Variants in IFT70B observed in about 807,000 individuals in gnomAD.
IFT70B encodes intraflagellar transport protein 70B.
the IFT70B span, chr2:177,549,458 A>C: frequency 6.6e-6 from 1 of 152,236 alleles, no homozygotes; most frequent in East Asian, 1.9e-4. Context: ...ATTATGGCAG[A>C]GGTTCCCTAT....
chr2:177,552,675 G>A, the IFT70B span: 13 of 1,594,038 alleles, frequency 8.2e-6, no homozygotes, highest in South Asian at 1.5e-4. Flanking sequence ...CAGCTGCACC[G>A]CCTCGGCGTA....
At chr2:177,550,848 ATTCT>A in the IFT70B span, 3 of 1,614,100 alleles carry the variant, frequency 1.9e-6, no homozygotes, top group Non-Finnish European at 2.5e-6. Flanking sequence ...TCCAACATGC[ATTCT>A]TTCTTCTTCC....
At chr2:177,550,638 C>CTT in the IFT70B span, 23 of 695,090 alleles carry the variant, frequency 3.3e-5, no homozygotes, top group Non-Finnish European at 4.1e-5. Context: ...GTTTTAGCTA[C>CTT]TTTTTTTTTT....
At chr2:177,552,377 C>T in the IFT70B span, 10 of 1,614,066 alleles carry the variant, frequency 6.2e-6, no homozygotes, top group Non-Finnish European at 8.5e-6. Flanking sequence ...TGGACCCTGG[C>T]AGATCGCCCT....
At chr2:177,550,194 C>G in the IFT70B span, 2 of 152,122 alleles carry the variant, frequency 1.3e-5, no homozygotes, top group Admixed American at 6.5e-5. Context: ...ATTATAGCAC[C>G]ATAATTTTGT....
chr2:177,550,800 G>A, the IFT70B span: 1 of 1,611,030 alleles, frequency 6.2e-7, no homozygotes, highest in South Asian at 1.1e-5. Context: ...ATAAATCAAA[G>A]CTTTTAACTG....
chr2:177,552,114 C>G, the IFT70B span: 4 of 1,614,222 alleles, frequency 2.5e-6, no homozygotes, highest in African/African-American at 5.3e-5. Flanking sequence ...GCGGATGCCA[C>G]GCTCAATAAT....
chr2:177,552,408 T>A, the IFT70B span: 1 of 1,613,740 alleles, frequency 6.2e-7, no homozygotes, highest in Non-Finnish European at 8.5e-7. Context: ...GATAGCAGCT[T>A]GCAGGCGGAG....
chr2:177,549,417 G>A, the IFT70B span: 1 of 152,192 alleles, frequency 6.6e-6, no homozygotes, highest in Non-Finnish European at 1.5e-5. Flanking sequence ...TGGCTAAGTG[G>A]TTCCTTTTCC....
At chr2:177,551,098 C>T in the IFT70B span, 1 of 1,614,144 alleles carries the variant, frequency 6.2e-7, no homozygotes, top group South Asian at 1.1e-5. Flanking sequence ...TTTCCTTTGG[C>T]ACAATAAAGA....
chr2:177,552,172 A>T, the IFT70B span: 1 of 1,614,234 alleles, frequency 6.2e-7, no homozygotes, highest in Non-Finnish European at 8.5e-7. Context: ...CTGCTGTAAT[A>T]GGCCAAAGCC....
At chr2:177,551,401 T>C in the IFT70B span, 75 of 1,614,192 alleles carry the variant, frequency 4.6e-5, no homozygotes, top group Non-Finnish European at 5.4e-5. Context: ...TCATGGTCGT[T>C]ACAGAATTCC....
At chr2:177,550,482 G>A in the IFT70B span, 9 of 258,374 alleles carry the variant, frequency 3.5e-5, no homozygotes, top group East Asian at 9.9e-5. Context: ...CTCAAGATAC[G>A]TCAAAGCACA....
the IFT70B span, chr2:177,552,656 T>C: frequency 6.3e-7 from 1 of 1,590,340 alleles, no homozygotes; most frequent in Non-Finnish European, 8.6e-7. Context: ...GCTGCAGTTC[T>C]CCGCCCAGCA....
At chr2:177,550,680 AACAAATAT>A in the IFT70B span, 5 of 1,250,988 alleles carry the variant, frequency 4.0e-6, no homozygotes, top group South Asian at 7.7e-5. Context: ...TTCAACATGT[AACAAATAT>A]AAAGATGCCA....
chr2:177,551,048 T>A, the IFT70B span: 1 of 1,614,130 alleles, frequency 6.2e-7, no homozygotes, highest in Non-Finnish European at 8.5e-7. Flanking sequence ...TGTTGTAAGG[T>A]TCCAAGCTTT....
chr2:177,551,613 C>G, the IFT70B span: 2 of 1,614,156 alleles, frequency 1.2e-6, no homozygotes, highest in Non-Finnish European at 1.7e-6. Context: ...AGTCAGCATC[C>G]CTGCTAGCCC....
chr2:177,552,772 C>T, the IFT70B span: 7 of 1,533,888 alleles, frequency 4.6e-6, no homozygotes, highest in Middle Eastern at 1.8e-4. Context: ...ATAACCACCA[C>T]GGCTGTTATG....
the IFT70B span, chr2:177,552,467 G>A: frequency 3.9e-4 from 630 of 1,612,060 alleles, 5 homozygotes; most frequent in Middle Eastern, 4.3e-3. Context: ...AGGCGACCCG[G>A]GTGGCCTCCG....
Sources: gnomAD v4.1 joint callset for allele counts on GRCh38, gnomAD v4.1.1 for gene constraint, MANE v1.5 for transcripts, NCBI Gene and HGNC (gene_info 2026-07-23, HGNC 2026-07-21) for gene names.